Variants in ETV1 observed in about 807,000 individuals in gnomAD.
ETV1 encodes the protein ETS translocation variant 1.
Under a neutral mutation model 62.3 loss-of-function variants are expected in ETV1, and 27 were observed. The observed-to-expected ratio is 0.43, with a 90% CI of 0.32 to 0.60. The LOEUF is 0.60. ETV1 is among the 20% of genes least tolerant of loss of function. The probability of loss-of-function intolerance (pLI) is 0.06; values close to 1 mark genes in which losing one functional copy is unlikely to be tolerated. For missense variants in ETV1, 605 were observed against 605.8 expected (o/e 1.00, Z 0.01); for synonymous variants, 222 against 199.6 (o/e 1.11, Z -0.94).
At chr7:13,910,228 C>CTTTTTTTTTTT (rs58867942) in intron 10 of ETV1, among the ~76,000 whole-genome samples, 1 of 120,222 alleles carries the variant, frequency 8.3e-6, no homozygotes, top group Admixed American at 8.9e-5. Context: ...AAAAGTTTCC[C>CTTTTTTTTTTT]TTTTTTTTTT....
chr7:13,937,528 T>G (rs1393596597), intron 7 of ETV1, among the ~76,000 whole-genome samples: 1 of 152,202 alleles, frequency 6.6e-6, no homozygotes, highest in African/African-American at 2.4e-5. Flanking sequence ...TATTATTGAT[T>G]TGTGGATGTC....
At chr7:13,957,536 G>A (rs998669675) in intron 6 of ETV1, among the ~76,000 whole-genome samples, 1 of 152,200 alleles carries the variant, frequency 6.6e-6, no homozygotes, top group Non-Finnish European at 1.5e-5. Context: ...ACAACAAATA[G>A]CATTGGTTGT....
chr7:13,962,112 TTATA>T (rs1452822233), intron 6 of ETV1, among the ~76,000 whole-genome samples: 1 of 151,850 alleles, frequency 6.6e-6, no homozygotes, highest in Non-Finnish European at 1.5e-5. Flanking sequence ...GAATAAAAGC[TTATA>T]TAGTATGTTC....
At chr7:13,896,773 A>AAAGAAAG (rs1781876071) in intron 13 of ETV1, among the ~76,000 whole-genome samples, 1 of 150,230 alleles carries the variant, frequency 6.7e-6, no homozygotes, top group Admixed American at 6.6e-5. Context: ...AGAAAGAAAG[A>AAAGAAAG]AAGAAAGAAA....
At chr7:13,941,498 C>T (rs1399733617) in intron 6 of ETV1, among the ~76,000 whole-genome samples, 4 of 152,134 alleles carry the variant, frequency 2.6e-5, no homozygotes, top group Admixed American at 2.0e-4. Context: ...ACATTATTCT[C>T]TTAACGTTTG....
At chr7:13,942,692 C>T (rs1479053112) in intron 6 of ETV1, among the ~76,000 whole-genome samples, 1 of 152,104 alleles carries the variant, frequency 6.6e-6, no homozygotes, top group African/African-American at 2.4e-5. Context: ...ATTGGTTTTA[C>T]ATTTTCATAA....
In ETV1 at chr7:13,962,664, ATG is replaced by A. The variant is rs1490268717; in HGVS notation, c.235+14761_235+14762del. On this transcript the variant is annotated intron_variant, in intron 6 of 13. Coordinates refer to ENST00000430479, the MANE Select transcript of ETV1 (RefSeq NM_004956.5). ...TCAGGATTCCTGAAGCTGAAGACCT[ATG>A]TATACATAGAACTTAACCACATTTC... Among the ~76,000 whole-genome samples, 4 of 152,126 alleles carry A rather than the reference ATG, an allele frequency of 2.6e-5. No individual in the cohort carries two copies. In the East Asian group the frequency reaches 7.7e-4, roughly 29 times the overall value.
At chr7:13,914,825 G>A (rs539133578) in intron 9 of ETV1, among the ~76,000 whole-genome samples, 3 of 152,122 alleles carry the variant, frequency 2.0e-5, no homozygotes, top group Admixed American at 2.0e-4. Context: ...TCTCCTTTAG[G>A]GCAGAGTTTG....
At chr7:13,927,274 C>A (rs1356833613) in intron 9 of ETV1, among the ~76,000 whole-genome samples, 1 of 151,916 alleles carries the variant, frequency 6.6e-6, no homozygotes, top group Admixed American at 6.6e-5. Flanking sequence ...CATGATGAAC[C>A]CCTGTCTCTA....
intron 6 of ETV1, among the ~76,000 whole-genome samples, chr7:13,975,629 G>A (rs541431834): frequency 6.7e-6 from 1 of 150,344 alleles, no homozygotes. Flanking sequence ...GAACCCTAGG[G>A]AAAGAAGAGG....
chr7:13,909,651 A>G lies in ETV1; in HGVS notation c.921T>C (p.Val307=), dbSNP rs1783364900. 2 of 1,613,320 alleles carry G rather than the reference A, an allele frequency of 1.2e-6. No individual in the cohort carries two copies. The highest frequency in any genetic ancestry group is 3.3e-5 in the Admixed American group (2 of 59,978). The part of the protein sequence containing the change: ...GPRQFYDDTC[V]VPEKFDGDIK... The stretch of plus-strand genomic sequence containing the variant: ...ACCTACCATCGAATTTTTCTGGGAC[A>G]ACACAGGTGTCATCATAAAACTGCC... Residue 307 remains valine (V), a synonymous_variant, in exon 11 of 14, where the codon GTT becomes GTC. Coordinates refer to ENST00000430479, the MANE Select transcript of ETV1 (RefSeq NM_004956.5).
In ETV1 at chr7:13,906,416, T is replaced by C; in HGVS notation, c.1110+14A>G. 6.6e-7 allele frequency: 1 copy of C among 1,512,438 alleles called. No individual in the cohort carries two copies. The highest frequency in any genetic ancestry group is 1.3e-5 in the South Asian group (1 of 74,122). 93.7% of individuals were successfully genotyped at this position (1,512,438 alleles called of 1,614,324 possible). The stretch of plus-strand genomic sequence containing the variant: ...ACATGTCTGAGTGTCCTAATTAAAA[T>C]CTATTAAACTAACCTCTTCAGGCTC... On this transcript the variant is annotated intron_variant, in intron 12 of 13. Transcript: ENST00000430479.
intron 12 of ETV1, among the ~76,000 whole-genome samples, chr7:13,902,371 T>C (rs1782529850): frequency 6.6e-6 from 1 of 152,066 alleles, no homozygotes; most frequent in African/African-American, 2.4e-5. Flanking sequence ...CATGCATCAG[T>C]ATGTTTTTTA....
At position 13,909,495 on chromosome 7, in the gene ETV1, G is replaced by C. The variant is rs1016290509; in HGVS notation, c.940+137C>G. ...AAGAGATAAATTGTAATAGGTCAACGTTGGCTAAAATTAAGTGCATGATGA... is the reference window on the plus strand; with the variant it reads ...AAGAGATAAATTGTAATAGGTCAACCTTGGCTAAAATTAAGTGCATGATGA... On this transcript the variant is annotated intron_variant, in intron 11 of 13. Transcript: ENST00000430479. 3 of 685,084 alleles carry C rather than the reference G, an allele frequency of 4.4e-6. No individual in the cohort carries two copies. In the African/African-American group the frequency reaches 5.4e-5, roughly 12 times the overall value. 42.4% of individuals were successfully genotyped at this position (685,084 alleles called of 1,614,324 possible). A position where few individuals can be genotyped will look rare whatever the true frequency, so the allele number is the denominator to read the frequency against.
At chr7:13,913,970 C>T (rs544150340) in intron 9 of ETV1, among the ~76,000 whole-genome samples, 2 of 147,288 alleles carry the variant, frequency 1.4e-5, no homozygotes, top group Non-Finnish European at 3.0e-5. Flanking sequence ...CTGCAAGCTC[C>T]GCCTCCCGGC....
rs767863370 is a variant in ETV1, at chr7:13,988,814, C to A, written c.45+194G>T. On this transcript the variant is annotated intron_variant, in intron 3 of 13. Coordinates refer to ENST00000430479, the MANE Select transcript of ETV1 (RefSeq NM_004956.5). ...AGGGGTCTTAAAAACAAAACTATGCCTTATCCAAATCACTGAAAGGTAAGC... is the reference window on the plus strand; with the variant it reads ...AGGGGTCTTAAAAACAAAACTATGCATTATCCAAATCACTGAAAGGTAAGC... 18 of 1,604,288 alleles carry A rather than the reference C, an allele frequency of 1.1e-5. No individual in the cohort carries two copies. The African/African-American group carries it at 2.4e-4, about 22-fold the overall frequency.
In ETV1 at chr7:13,895,625, C is replaced by G. The variant is rs956102909; in HGVS notation, c.*241G>C. 4 of 482,294 alleles carry G rather than the reference C, an allele frequency of 8.3e-6. No individual in the cohort carries two copies. The Admixed American group carries it at 1.4e-4, about 16-fold the overall frequency. 29.9% of individuals were successfully genotyped at this position (482,294 alleles called of 1,614,324 possible). A position where few individuals can be genotyped will look rare whatever the true frequency, so the allele number is the denominator to read the frequency against. On this transcript the variant is annotated 3_prime_UTR_variant, in exon 14 of 14. Transcript: ENST00000430479. ...AAAGTAATCCCCAAATCCCTCTGCC[C>G]ATTCACCCATTAGCTTCCTGTTACA...
At position 13,894,247 on chromosome 7, in the gene ETV1, C is replaced by A. The variant is rs2128397228; in HGVS notation, c.*1619G>T. 2 of 230,472 alleles carry A rather than the reference C, an allele frequency of 8.7e-6. No homozygotes were observed. The highest frequency in any genetic ancestry group is 1.2e-4 in the East Asian group (2 of 16,244). 14.3% of individuals were successfully genotyped at this position (230,472 alleles called of 1,614,324 possible). On this transcript the variant is annotated 3_prime_UTR_variant, in exon 14 of 14. Coordinates refer to ENST00000430479, the MANE Select transcript of ETV1 (RefSeq NM_004956.5). ...GATGGAACAAAATTCATGTCCCTTG[C>A]TTGAATCTTTTAGCGAGCTATTCAG...
chr7:13,972,219 C>T (rs568995419), intron 6 of ETV1, among the ~76,000 whole-genome samples: 2 of 152,162 alleles, frequency 1.3e-5, no homozygotes, highest in South Asian at 2.1e-4. Flanking sequence ...TTGAGCAGAT[C>T]ACTTAAGCCC....
Sources: gnomAD v4.1 joint callset for allele counts (sites outside exome capture counted in the v4.1 genomes callset) on GRCh38, gnomAD v4.1.1 for gene constraint, MANE v1.5 for transcripts, NCBI Gene and HGNC (gene_info 2026-07-23, HGNC 2026-07-21) for gene names.